EFHC1: variants seen among roughly 807,000 people sequenced by gnomAD.
EFHC1 encodes EF-hand domain containing 1.
In EFHC1, 53 loss-of-function variants were observed where a neutral mutation model predicts 69.9. The ratio of observed to expected loss-of-function variants is 0.76; its 90% CI spans 0.61 to 0.95. The LOEUF (loss-of-function observed/expected upper bound fraction) is 0.95, where lower values mean the gene tolerates loss of function less well. Among genes scored for constraint, EFHC1 ranks in the 40% least tolerant of loss-of-function variants. The pLI, the probability that EFHC1 is intolerant of heterozygous loss-of-function variation, is 0.00. For missense variants in EFHC1, 739 were observed against 798.7 expected (o/e 0.93, Z 0.90); for synonymous variants, 256 against 278.4 (o/e 0.92, Z 0.80).
chr6:52,456,102 G>A (rs1765038826), intron 5 of EFHC1, among the ~76,000 whole-genome samples: 1 of 152,020 alleles, frequency 6.6e-6, no homozygotes, highest in Non-Finnish European at 1.5e-5. Flanking sequence ...AGGATAAAAG[G>A]GAGTGAAAAT....
At chr6:52,472,821 A>G (rs1765468222) in intron 7 of EFHC1, among the ~76,000 whole-genome samples, 1 of 152,102 alleles carries the variant, frequency 6.6e-6, no homozygotes, top group South Asian at 2.1e-4. Context: ...GGTGTTACAT[A>G]TCTTTTAGGT....
rs1766029182 is a variant in EFHC1 at position 52,495,428 on chromosome 6, T to C, written c.*3087T>C. On this transcript the variant is annotated 3_prime_UTR_variant, in exon 11 of 11. Coordinates refer to ENST00000371068, the MANE Select transcript of EFHC1 (RefSeq NM_018100.4). ...TCTTGCCTCCTGTGGTAGAGGAGCT[T>C]TGGGCTACTCCTTAACAAATCATTC... The C allele has an allele frequency of 2.2e-6, 1 of 454,024 alleles. No homozygotes were observed. Among genetic ancestry groups the C allele is most frequent in the Non-Finnish European group, 4.4e-6 (1 of 226,806 alleles). The allele number at this position is 454,024 out of a possible 1,614,324, so 28.1% of individuals were successfully genotyped here.
In EFHC1 at chr6:52,470,294, AC is replaced by A. The variant is rs146643389; in HGVS notation, c.1278+822del. On this transcript the variant is annotated intron_variant, in intron 7 of 10. Coordinates refer to ENST00000371068, the MANE Select transcript of EFHC1 (RefSeq NM_018100.4). ...AAAAACAAAATTTTTTAAGAAAACAACAAAACAGCAAAATGTAGGCCAACTA... is the reference window on the plus strand; with the variant it reads ...AAAAACAAAATTTTTTAAGAAAACAAAAAACAGCAAAATGTAGGCCAACTA... 3.6e-3 allele frequency among the ~76,000 whole-genome samples: 550 copies of A among 152,350 alleles called. 4 individuals are homozygous for A. Among genetic ancestry groups the A allele is most frequent in the African/African-American group, 0.013 (534 of 41,586 alleles).
At chr6:52,443,947 G>A (rs1273392530) in intron 3 of EFHC1, among the ~76,000 whole-genome samples, 3 of 152,022 alleles carry the variant, frequency 2.0e-5, no homozygotes, top group Non-Finnish European at 2.9e-5. Flanking sequence ...ATTTGTTTGT[G>A]TCCTCTTTTA....
At chr6:52,442,980 T>A (rs1764699197) in intron 3 of EFHC1, among the ~76,000 whole-genome samples, 1 of 152,214 alleles carries the variant, frequency 6.6e-6, no homozygotes, top group Non-Finnish European at 1.5e-5. Context: ...TTTTTAATGA[T>A]CTCCATGCTA....
intron 3 of EFHC1, among the ~76,000 whole-genome samples, chr6:52,451,453 A>G (rs540676392): frequency 6.6e-6 from 1 of 152,214 alleles, no homozygotes; most frequent in African/African-American, 2.4e-5. Context: ...AGAATGTTGA[A>G]TATAGGCCCC....
Position 52,464,441 on chromosome 6 carries a change from T to C in EFHC1, c.917-454T>C, listed in dbSNP as rs531334428. Among the ~76,000 whole-genome samples, 26 of 152,278 alleles carry C rather than the reference T, an allele frequency of 1.7e-4. No individual in the cohort carries two copies. In the South Asian group the frequency reaches 5.2e-3, roughly 30 times the overall value. ...CAGGAATTGTATCTACAGTGTTAAT[T>C]ATCGTAATCCCAGTATTTAGCAGTG... On this transcript the variant is annotated intron_variant, in intron 5 of 10. Coordinates refer to ENST00000371068, the MANE Select transcript of EFHC1 (RefSeq NM_018100.4).
chr6:52,437,089 A>G (rs1489426996), intron 2 of EFHC1, among the ~76,000 whole-genome samples: 2 of 152,140 alleles, frequency 1.3e-5, no homozygotes, highest in African/African-American at 4.8e-5. Context: ...CGTTTTAGAG[A>G]TTGTATAGCG....
In EFHC1 at chr6:52,420,363, C is replaced by T. The variant is rs752917691; in HGVS notation, c.-48C>T. On this transcript the variant is annotated 5_prime_UTR_variant, in exon 1 of 11. Coordinates refer to ENST00000371068, the MANE Select transcript of EFHC1 (RefSeq NM_018100.4). ...GAACACTGCTTGTCGCCTGGGCAAC[C>T]GGAGAGGACGAAGCAGGACCTAGGT... is the stretch of plus-strand genomic sequence containing the variant. The T allele has an allele frequency of 3.7e-6, 6 of 1,613,234 alleles. No homozygotes were observed. In the East Asian group the frequency reaches 1.3e-4, roughly 36 times the overall value.
intron 3 of EFHC1, among the ~76,000 whole-genome samples, chr6:52,445,805 A>G (rs879246523): frequency 2.0e-5 from 3 of 152,066 alleles, no homozygotes; most frequent in Non-Finnish European, 2.9e-5. Context: ...TTCTGCCTTC[A>G]TTTTGTCATG....
At chr6:52,436,217 T>C (rs1764529406) in intron 2 of EFHC1, among the ~76,000 whole-genome samples, 1 of 152,178 alleles carries the variant, frequency 6.6e-6, no homozygotes. Context: ...GCTTTTACCA[T>C]GTTATTTTTC....
intron 3 of EFHC1, among the ~76,000 whole-genome samples, chr6:52,447,639 A>G (rs1201488035): frequency 6.6e-6 from 1 of 152,226 alleles, no homozygotes; most frequent in Non-Finnish European, 1.5e-5. Flanking sequence ...TTGGAGGAGA[A>G]GAGGCACTCT....
intron 9 of EFHC1, chr6:52,482,676 A>C (rs1220761723): frequency 5.0e-6 from 2 of 396,254 alleles, no homozygotes; most frequent in African/African-American, 4.1e-5. Flanking sequence ...ACTTCCTTTA[A>C]TGAGAATGAA....
intron 3 of EFHC1, among the ~76,000 whole-genome samples, chr6:52,449,475 G>A (rs1054359677): frequency 2.0e-5 from 3 of 151,728 alleles, no homozygotes; most frequent in East Asian, 3.9e-4. Flanking sequence ...TTGGTTCATA[G>A]GCTATTGATT....
intron 9 of EFHC1, 133 bp from the exon 10 acceptor site, chr6:52,490,007 G>A: frequency 3.6e-6 from 3 of 836,010 alleles, no homozygotes; most frequent in African/African-American, 1.7e-5. Flanking sequence ...CAAGTGTTCA[G>A]TTATTGGTCA....
At chr6:52,450,648 T>C (rs897887074) in intron 3 of EFHC1, among the ~76,000 whole-genome samples, 2 of 152,166 alleles carry the variant, frequency 1.3e-5, no homozygotes, top group Non-Finnish European at 2.9e-5. Context: ...CTATTTTCCA[T>C]CTGCTTGGTA....
intron 8 of EFHC1, 55 bp downstream of exon 8, chr6:52,479,305 T>C: frequency 6.3e-7 from 1 of 1,581,960 alleles, no homozygotes; most frequent in East Asian, 2.2e-5. Context: ...GAGTTCTTAA[T>C]TGGAATTTAA....
At chr6:52,458,353 A>G (rs1442268904) in intron 5 of EFHC1, among the ~76,000 whole-genome samples, 1 of 152,232 alleles carries the variant, frequency 6.6e-6, no homozygotes, top group Non-Finnish European at 1.5e-5. Flanking sequence ...AAAAGAAGCT[A>G]TCAACAGAGG....
At chr6:52,481,138 G>A (rs1243288251) in intron 9 of EFHC1, among the ~76,000 whole-genome samples, 1 of 152,120 alleles carries the variant, frequency 6.6e-6, no homozygotes, top group Admixed American at 6.5e-5. Flanking sequence ...GGGAGAAGTG[G>A]TCTGATTTGG....
Sources: gnomAD v4.1 joint callset for allele counts (sites outside exome capture counted in the v4.1 genomes callset) on GRCh38, gnomAD v4.1.1 for gene constraint, MANE v1.5 for transcripts, NCBI Gene and HGNC (gene_info 2026-07-23, HGNC 2026-07-21) for gene names.